The following GLIS3 variants were observed in gnomAD, a reference collection of about 807,000 sequenced individuals.
The protein encoded by GLIS3 is zinc finger protein GLIS3.
Under a neutral mutation model 78.6 loss-of-function variants are expected in GLIS3, and 53 were observed. The ratio of observed to expected loss-of-function variants is 0.67; its 90% CI spans 0.54 to 0.85. The LOEUF (loss-of-function observed/expected upper bound fraction) is 0.85, where lower values mean the gene tolerates loss of function less well. Ranked by LOEUF, GLIS3 falls within the 40% of genes least tolerant of loss-of-function variation. GLIS3 has a pLI of 0.00. For missense variants in GLIS3, 1,703 were observed against 1,231.1 expected, an observed-to-expected ratio of 1.38 and a Z score of -5.74; for synonymous variants, 684 against 509.9, an observed-to-expected ratio of 1.34 and a Z score of -4.60.
At chr9:4,248,889 T>C (rs1321436308) in intron 2 of GLIS3, among the ~76,000 whole-genome samples, 1 of 152,196 alleles carries the variant, frequency 6.6e-6, no homozygotes. Context: ...TGTCTTCTTT[T>C]GAGAAGTGTC....
the GLIS3 span, among the ~76,000 whole-genome samples, chr9:4,414,550 A>G: frequency 0.019 from 2,913 of 152,194 alleles, 94 homozygotes; most frequent in African/African-American, 0.066. Flanking sequence ...ATGCTGGTGG[A>G]TAGCTTTTAT....
At chr9:3,828,779 A>T (rs925734974) in intron 10 of GLIS3, among the ~76,000 whole-genome samples, 3 of 152,202 alleles carry the variant, frequency 2.0e-5, no homozygotes, top group African/African-American at 7.2e-5. Flanking sequence ...ACAAAGAGCA[A>T]AGACAGAGAG....
At chr9:4,327,841 T>C (rs75625192) in intron 2 of GLIS3, among the ~76,000 whole-genome samples, 3,452 of 152,302 alleles carry the variant, frequency 0.023, 74 homozygotes, top group East Asian at 0.12. Context: ...GAGGTGCATC[T>C]GAAGGTTGCG....
intron 4 of GLIS3, among the ~76,000 whole-genome samples, chr9:3,941,145 G>A (rs1815876117): frequency 1.3e-5 from 2 of 152,312 alleles, no homozygotes; most frequent in South Asian, 4.2e-4. Context: ...CATTCATACT[G>A]TGATCACTGT....
At chr9:4,158,541 C>T (rs1055971975) in intron 2 of GLIS3, among the ~76,000 whole-genome samples, 1 of 152,184 alleles carries the variant, frequency 6.6e-6, no homozygotes, top group Non-Finnish European at 1.5e-5. Context: ...TTTAAGATGT[C>T]CCCGATATGC....
chr9:4,206,901 G>T (rs1027177206), intron 2 of GLIS3, among the ~76,000 whole-genome samples: 1 of 152,118 alleles, frequency 6.6e-6, no homozygotes, highest in Non-Finnish European at 1.5e-5. Flanking sequence ...GGGAGGAAGG[G>T]GGGAGGACGA....
At chr9:4,094,215 A>T (rs899584924) in intron 4 of GLIS3, among the ~76,000 whole-genome samples, 1 of 152,220 alleles carries the variant, frequency 6.6e-6, no homozygotes, top group Non-Finnish European at 1.5e-5. Flanking sequence ...CTGGGTCATC[A>T]AATTATTAAG....
At chr9:4,308,941 C>G (rs1226653271) in exon 4 of GLIS3, 3 of 152,208 alleles carry the variant, frequency 2.0e-5, no homozygotes, top group Non-Finnish European at 4.4e-5. Context: ...AGGGTAGTCA[C>G]TTAAGCTCTT....
chr9:4,021,894 G>A (rs1280588150), intron 4 of GLIS3, among the ~76,000 whole-genome samples: 2 of 152,150 alleles, frequency 1.3e-5, no homozygotes, highest in Admixed American at 6.5e-5. Context: ...AGCTCCCCCA[G>A]CGGTTATTTG....
chr9:4,133,555 T>G (rs975308356), intron 2 of GLIS3, among the ~76,000 whole-genome samples: 1 of 152,088 alleles, frequency 6.6e-6, no homozygotes, highest in Admixed American at 6.5e-5. Flanking sequence ...CACCACTGAC[T>G]AGCTGTGTGA....
intron 2 of GLIS3, among the ~76,000 whole-genome samples, chr9:4,244,908 AC>A (rs1237427168): frequency 1.6e-4 from 25 of 152,252 alleles, no homozygotes; most frequent in African/African-American, 6.0e-4. Flanking sequence ...ATGATTCTAC[AC>A]TCAAGAGTGG....
At chr9:4,253,049 A>C (rs1824547716) in intron 2 of GLIS3, among the ~76,000 whole-genome samples, 1 of 152,124 alleles carries the variant, frequency 6.6e-6, no homozygotes, top group South Asian at 2.1e-4. Flanking sequence ...GTCTCTGTCA[A>C]CCCCTGATGG....
At chr9:4,476,499 T>A in the GLIS3 span, among the ~76,000 whole-genome samples, 3 of 152,110 alleles carry the variant, frequency 2.0e-5, no homozygotes, top group Non-Finnish European at 4.4e-5. Flanking sequence ...GTAGCCGGGA[T>A]TACAGGTGCC....
At chr9:4,431,427 T>A in the GLIS3 span, among the ~76,000 whole-genome samples, 1 of 152,208 alleles carries the variant, frequency 6.6e-6, no homozygotes, top group African/African-American at 2.4e-5. Flanking sequence ...CAGTTCAGTG[T>A]AGATTGACTG....
At chr9:3,834,759 TATAA>T (rs1384549597) in intron 9 of GLIS3, among the ~76,000 whole-genome samples, 1 of 152,178 alleles carries the variant, frequency 6.6e-6, no homozygotes, top group Non-Finnish European at 1.5e-5. Flanking sequence ...GGAACCAGAA[TATAA>T]ATACATTAAT....
At chr9:4,288,384 AT>A (rs1828178044) in intron 1 of GLIS3, among the ~76,000 whole-genome samples, 1 of 152,216 alleles carries the variant, frequency 6.6e-6, no homozygotes. Context: ...AAAATAAAGA[AT>A]TGTTCAACAT....
chr9:3,855,609 T>G (rs1819729645), intron 9 of GLIS3: 2 of 277,650 alleles, frequency 7.2e-6, no homozygotes, highest in South Asian at 3.9e-5. Flanking sequence ...ACCTGCGCCT[T>G]GAAGGACGGA....
chr9:3,994,935 A>G (rs1023883339), intron 4 of GLIS3, among the ~76,000 whole-genome samples: 40 of 152,236 alleles, frequency 2.6e-4, no homozygotes, highest in African/African-American at 9.6e-4. Context: ...CCCAGCAATC[A>G]GGAGCAGAGA....
At position 4,015,999 on chromosome 9, in the gene GLIS3, A is replaced by C. The variant is rs116678463; in HGVS notation, c.1711-78810T>G. ...TACTGTATAGCTAATAAATTGTCTC[A>C]ATTATACATGCCTGTGGAATTCAAA... On this transcript the variant is annotated intron_variant, in intron 4 of 10. Coordinates refer to ENST00000381971, the MANE Select transcript of GLIS3 (RefSeq NM_001042413.2). Among the ~76,000 whole-genome samples the C allele has an allele frequency of 6.2e-3, 938 of 152,178 alleles. 11 individuals are homozygous for C. The highest frequency in any genetic ancestry group is 0.022 in the African/African-American group (909 of 41,494).
Sources: allele counts gnomAD v4.1 joint callset (sites outside exome capture counted in the v4.1 genomes callset), GRCh38; gene constraint gnomAD v4.1.1; transcripts MANE v1.5; gene names NCBI Gene and HGNC (gene_info 2026-07-23, HGNC 2026-07-21).